The following LINGO2 variants were observed in gnomAD, a reference collection of about 807,000 sequenced individuals.
The protein encoded by LINGO2 is leucine-rich repeat and immunoglobulin-like domain-containing nogo receptor-interacting protein 2.
A neutral mutation model predicts 30.6 loss-of-function variants in LINGO2; 14 were observed. That is an observed-to-expected ratio of 0.46 (90% CI 0.30 to 0.72). The LOEUF is 0.72. Among genes scored for constraint, LINGO2 ranks in the 30% least tolerant of loss-of-function variants. The pLI is 0.07. For missense variants in LINGO2, 729 were observed against 751.7 expected (o/e 0.97, Z 0.35); for synonymous variants, 317 against 288.5 (o/e 1.10, Z -1.00).
At chr9:28,314,488 T>A (rs771408692) in intron 3 of LINGO2, among the ~76,000 whole-genome samples, 1 of 152,064 alleles carries the variant, frequency 6.6e-6, no homozygotes, top group Non-Finnish European at 1.5e-5. Flanking sequence ...AATAATTGAG[T>A]GTCTCTGTGT....
At chr9:28,642,074 T>TGTGC (rs1827619607) in intron 1 of LINGO2, among the ~76,000 whole-genome samples, 1 of 151,712 alleles carries the variant, frequency 6.6e-6, no homozygotes, top group Non-Finnish European at 1.5e-5. Flanking sequence ...TGTGTGTGTG[T>TGTGC]GTGTGTATGT....
the LINGO2 span, among the ~76,000 whole-genome samples, chr9:28,960,404 G>C: frequency 6.6e-6 from 1 of 151,618 alleles, no homozygotes; most frequent in Non-Finnish European, 1.5e-5. Context: ...GGAGGCTGAG[G>C]CAGGAGAATC....
chr9:29,152,429 A>G, the LINGO2 span, among the ~76,000 whole-genome samples: 2 of 152,192 alleles, frequency 1.3e-5, no homozygotes, highest in African/African-American at 4.8e-5. Context: ...TCAACAGTGG[A>G]CTGCATAAGG....
At chr9:28,667,091 C>T (rs1296809267) in intron 1 of LINGO2, among the ~76,000 whole-genome samples, 2 of 152,098 alleles carry the variant, frequency 1.3e-5, no homozygotes, top group African/African-American at 2.4e-5. Flanking sequence ...TCTTCAAACA[C>T]TGGTTGACAA....
chr9:29,027,316 T>C, the LINGO2 span, among the ~76,000 whole-genome samples: 5 of 152,160 alleles, frequency 3.3e-5, no homozygotes, highest in Non-Finnish European at 7.4e-5. Context: ...GAGGCAGATA[T>C]GACTTTTTTA....
At chr9:28,445,613 T>C (rs1321710092) in intron 2 of LINGO2, among the ~76,000 whole-genome samples, 1 of 152,232 alleles carries the variant, frequency 6.6e-6, no homozygotes, top group Non-Finnish European at 1.5e-5. Flanking sequence ...CAGAATAATG[T>C]GTACAGTGTC....
the LINGO2 span, among the ~76,000 whole-genome samples, chr9:28,914,408 A>G: frequency 1.9e-4 from 29 of 152,188 alleles, no homozygotes; most frequent in Non-Finnish European, 2.9e-4. Context: ...CAGTTATCAA[A>G]CCTATATCAA....
At chr9:28,118,142 C>A (rs184845287) in intron 4 of LINGO2, among the ~76,000 whole-genome samples, 87 of 152,094 alleles carry the variant, frequency 5.7e-4, no homozygotes, top group Non-Finnish European at 9.0e-4. Context: ...GGGCTTAATA[C>A]TTAGATGATG....
chr9:28,141,070 C>T (rs970855979), intron 4 of LINGO2, among the ~76,000 whole-genome samples: 4 of 151,992 alleles, frequency 2.6e-5, no homozygotes, highest in Non-Finnish European at 4.4e-5. Flanking sequence ...GTTGAGTATC[C>T]TGATGCAGAA....
the LINGO2 span, among the ~76,000 whole-genome samples, chr9:28,930,393 G>A: frequency 6.6e-6 from 1 of 151,886 alleles, no homozygotes; most frequent in Non-Finnish European, 1.5e-5. The surrounding 1 kb of genome is among the most constrained non-coding windows in gnomAD (Gnocchi z 4.2). Context: ...CATCCCATAG[G>A]GCTCAAAATA....
intron 4 of LINGO2, among the ~76,000 whole-genome samples, chr9:28,163,905 T>C (rs935204612): frequency 3.3e-5 from 5 of 152,186 alleles, no homozygotes; most frequent in African/African-American, 1.2e-4. Context: ...TCTTCTGCAA[T>C]AGCCCAGAAT....
the LINGO2 span, among the ~76,000 whole-genome samples, chr9:28,784,537 T>C: frequency 6.6e-6 from 1 of 152,146 alleles, no homozygotes; most frequent in Non-Finnish European, 1.5e-5. Flanking sequence ...GTAAAATAGA[T>C]ATAAAAAGTT....
intron 4 of LINGO2, among the ~76,000 whole-genome samples, chr9:28,268,476 T>C (rs977782807): frequency 2.6e-5 from 4 of 152,052 alleles, no homozygotes; most frequent in Non-Finnish European, 5.9e-5. Context: ...ATTTATTGAT[T>C]CAGGTGGTCT....
At chr9:28,039,783 T>C (rs1264641181) in intron 4 of LINGO2, among the ~76,000 whole-genome samples, 4 of 152,200 alleles carry the variant, frequency 2.6e-5, no homozygotes, top group Non-Finnish European at 2.9e-5. Flanking sequence ...AAAATTCTGT[T>C]CCTTAATAGA....
chr9:28,786,666 A>T, the LINGO2 span, among the ~76,000 whole-genome samples: 1 of 152,088 alleles, frequency 6.6e-6, no homozygotes. Flanking sequence ...ACAAAACCCA[A>T]ATATGAATTA....
chr9:29,022,444 C>T, the LINGO2 span, among the ~76,000 whole-genome samples: 4 of 152,244 alleles, frequency 2.6e-5, no homozygotes, highest in East Asian at 7.7e-4. Context: ...TTTATGACAA[C>T]TGAGGGGCTG....
intron 4 of LINGO2, among the ~76,000 whole-genome samples, chr9:28,093,167 G>A (rs1026936649): frequency 1.3e-5 from 2 of 152,066 alleles, no homozygotes; most frequent in Admixed American, 6.6e-5. Context: ...TTAACTCTTA[G>A]ACTAGTTCTA....
At chr9:28,412,512 T>G (rs535819142) in intron 2 of LINGO2, among the ~76,000 whole-genome samples, 7 of 152,094 alleles carry the variant, frequency 4.6e-5, no homozygotes, top group Non-Finnish European at 1.0e-4. Context: ...GGATCTTACA[T>G]GCAGAAAACT....
intron 2 of LINGO2, among the ~76,000 whole-genome samples, chr9:28,407,290 G>A (rs1425934694): frequency 3.3e-5 from 5 of 151,714 alleles, no homozygotes; most frequent in African/African-American, 1.2e-4. Flanking sequence ...AAAATATAAT[G>A]AGCCAGAGTA....
Sources: allele counts gnomAD v4.1 joint callset (sites outside exome capture counted in the v4.1 genomes callset), GRCh38; gene constraint gnomAD v4.1.1; non-coding constraint Gnocchi (gnomAD v3.1); transcripts MANE v1.5; gene names NCBI Gene and HGNC (gene_info 2026-07-23, HGNC 2026-07-21).